Variants in SKAP1 observed in about 807,000 individuals in gnomAD.
SKAP1 encodes src kinase associated phosphoprotein 1, also known as src kinase-associated phosphoprotein 1.
A neutral mutation model predicts 58.5 loss-of-function variants in SKAP1; 44 were observed. The observed-to-expected ratio is 0.75, with a 90% CI of 0.59 to 0.97. SKAP1 has a LOEUF of 0.97. SKAP1 is among the 50% of genes least tolerant of loss of function. The probability of loss-of-function intolerance (pLI) is 0.00; values close to 1 mark genes in which losing one functional copy is unlikely to be tolerated. For missense variants in SKAP1, 390 were observed against 435.2 expected (o/e 0.90, Z 0.92); for synonymous variants, 127 against 149.7 (o/e 0.85, Z 1.11).
upstream of SKAP1, among the ~76,000 whole-genome samples, chr17:48,434,109 C>T (rs968605925): frequency 9.8e-5 from 15 of 152,318 alleles, no homozygotes; most frequent in African/African-American, 3.6e-4. Context: ...GCGGAGCTGA[C>T]GTCTGCCCTA....
upstream of SKAP1, among the ~76,000 whole-genome samples, chr17:48,435,136 C>G (rs1389754454): frequency 1.3e-5 from 2 of 152,140 alleles, no homozygotes; most frequent in Non-Finnish European, 2.9e-5. Flanking sequence ...GAGACCCTGT[C>G]TGAAATAAAT....
intron 4 of SKAP1, among the ~76,000 whole-genome samples, chr17:48,283,224 G>T (rs1468564720): frequency 1.3e-5 from 2 of 152,170 alleles, no homozygotes; most frequent in East Asian, 3.8e-4. Context: ...GCAGAGAAAA[G>T]TGATTAGAGT....
intron 4 of SKAP1, among the ~76,000 whole-genome samples, chr17:48,295,065 T>C (rs1005716976): frequency 3.9e-5 from 6 of 152,184 alleles, no homozygotes; most frequent in African/African-American, 1.4e-4. Flanking sequence ...TTTAAATGAC[T>C]AACAGACCAG....
At chr17:48,323,753 G>T (rs1466163574) in intron 4 of SKAP1, among the ~76,000 whole-genome samples, 1 of 152,000 alleles carries the variant, frequency 6.6e-6, no homozygotes, top group Non-Finnish European at 1.5e-5. Flanking sequence ...TACATAGGAA[G>T]GCCTGGACAA....
intron 3 of SKAP1, among the ~76,000 whole-genome samples, chr17:48,356,944 T>A (rs1166450210): frequency 6.6e-6 from 1 of 152,198 alleles, no homozygotes; most frequent in Non-Finnish European, 1.5e-5. Flanking sequence ...CAAATTACCC[T>A]TTTCATCTAA....
At chr17:48,394,651 G>A (rs1316236732) in intron 2 of SKAP1, among the ~76,000 whole-genome samples, 1 of 152,158 alleles carries the variant, frequency 6.6e-6, no homozygotes, top group Non-Finnish European at 1.5e-5. Context: ...TGCCATACAT[G>A]TTTAACTCTC....
chr17:48,225,452 G>A (rs984172335), intron 4 of SKAP1, among the ~76,000 whole-genome samples: 1 of 152,120 alleles, frequency 6.6e-6, no homozygotes, highest in Non-Finnish European at 1.5e-5. Context: ...GTATGGTGAT[G>A]CTTGAAATAC....
At chr17:48,187,533 T>G (rs967121461) in intron 6 of SKAP1, among the ~76,000 whole-genome samples, 1 of 152,076 alleles carries the variant, frequency 6.6e-6, no homozygotes, top group African/African-American at 2.4e-5. Context: ...GTAAAGAGTT[T>G]GAAGTTCTTT....
chr17:48,139,930 C>T (rs187761313), intron 11 of SKAP1, among the ~76,000 whole-genome samples: 4 of 152,294 alleles, frequency 2.6e-5, no homozygotes, highest in East Asian at 1.9e-4. Flanking sequence ...CCTTCCTTTC[C>T]GAGAGATGAG....
intron 3 of SKAP1, among the ~76,000 whole-genome samples, chr17:48,358,709 G>T (rs117406647): frequency 1.3e-5 from 2 of 151,972 alleles, no homozygotes; most frequent in East Asian, 3.8e-4. Context: ...TACTTGCCTC[G>T]CCCTACTTTG....
intron 2 of SKAP1, among the ~76,000 whole-genome samples, chr17:48,366,954 T>G (rs928866316): frequency 6.6e-6 from 1 of 152,148 alleles, no homozygotes; most frequent in African/African-American, 2.4e-5. Context: ...AAAATCCTAG[T>G]CATGCAGTGG....
rs1350582076 is a variant in SKAP1, at chr17:48,364,654, G to A, written c.153-840C>T. Among the ~76,000 whole-genome samples the A allele has an allele frequency of 3.9e-5, 6 of 152,238 alleles. No homozygotes were observed. In the East Asian group the frequency reaches 9.6e-4, roughly 24 times the overall value. On this transcript the variant is annotated intron_variant, in intron 2 of 12. Transcript: ENST00000336915. ...CGCGCCATTGCACTCCAGCCTGGGT[G>A]ACAGAGCGAGACTCCATCTCAACAA...
Position 48,162,563 on chromosome 17 carries a change from T to C in SKAP1, c.884A>G (p.Tyr295Cys). 6.2e-7 allele frequency: 1 copy of C among 1,611,714 alleles called. No homozygotes were observed. Among genetic ancestry groups the C allele is most frequent in the South Asian group, 1.1e-5 (1 of 90,880 alleles). The change falls in exon 11 of 13, where the codon TAT becomes TGT. Residue 295 changes from tyrosine (Y) to cysteine (C), a missense_variant. Coordinates refer to ENST00000336915, the MANE Select transcript of SKAP1 (RefSeq NM_003726.4). ...ESGTRRKGVDYASYYQGLWDC... is the reference protein window; with the variant it reads ...ESGTRRKGVDCASYYQGLWDC... ...CCATAGGCCCTGGTAGTAACTGGCA[T>C]AGTCTACTGATCAAAGAGAGGAGAA...
At chr17:48,304,818 T>C (rs2066114384) in intron 4 of SKAP1, among the ~76,000 whole-genome samples, 1 of 152,240 alleles carries the variant, frequency 6.6e-6, no homozygotes, top group South Asian at 2.1e-4. Context: ...AGTCATTGAA[T>C]TAAAAAATTT....
At chr17:48,425,996 A>G (rs1395402554) in intron 1 of SKAP1, among the ~76,000 whole-genome samples, 2 of 152,190 alleles carry the variant, frequency 1.3e-5, no homozygotes, top group Non-Finnish European at 2.9e-5. Context: ...CTAAAGAAGA[A>G]AAATTCCTAA....
intron 11 of SKAP1, chr17:48,156,596 G>A: frequency 3.0e-6 from 1 of 328,832 alleles, no homozygotes; most frequent in South Asian, 2.5e-5. Flanking sequence ...TGGATGCACA[G>A]ATCTGCTTCG....
At chr17:48,250,662 A>T (rs1190210885) in intron 4 of SKAP1, among the ~76,000 whole-genome samples, 2 of 150,536 alleles carry the variant, frequency 1.3e-5, no homozygotes, top group Non-Finnish European at 3.0e-5. Context: ...TCGTTTTTCT[A>T]AAAAAAAATA....
In SKAP1 at chr17:48,376,094, T is replaced by C. The variant is rs7211301; in HGVS notation, c.153-12280A>G. Among the ~76,000 whole-genome samples, 588 of 152,264 alleles carry C rather than the reference T, an allele frequency of 3.9e-3. 2 individuals are homozygous for C. The highest frequency in any genetic ancestry group is 0.014 in the African/African-American group (566 of 41,554). Reference sequence around the variant, plus strand: ...TCTAAACTGTTGTCTCTTTGGCCCTTGCTCTGTCATTTTTGTCACTGTTGA... The same window carrying C: ...TCTAAACTGTTGTCTCTTTGGCCCTCGCTCTGTCATTTTTGTCACTGTTGA... On this transcript the variant is annotated intron_variant, in intron 2 of 12. Transcript: ENST00000336915.
chr17:48,441,677 A>G, the SKAP1 span, among the ~76,000 whole-genome samples: 1 of 152,206 alleles, frequency 6.6e-6, no homozygotes, highest in African/African-American at 2.4e-5. Context: ...CTGATTGCTC[A>G]GGGGTTTCAT....
Sources: gnomAD v4.1 joint callset for allele counts (sites outside exome capture counted in the v4.1 genomes callset) on GRCh38, gnomAD v4.1.1 for gene constraint, MANE v1.5 for transcripts, NCBI Gene and HGNC (gene_info 2026-07-23, HGNC 2026-07-21) for gene names.